TMEM44: variants seen among roughly 807,000 people sequenced by gnomAD.
TMEM44 encodes the protein transmembrane protein 44.
A neutral mutation model predicts 47.8 loss-of-function variants in TMEM44; 43 were observed. The observed-to-expected ratio is 0.90, with a 90% CI of 0.70 to 1.16. The LOEUF (loss-of-function observed/expected upper bound fraction) is 1.16. Among genes scored for constraint, TMEM44 ranks in the 50% most tolerant of loss-of-function variants. TMEM44 has a pLI of 0.00. For synonymous variants in TMEM44, 277 were observed against 238.8 expected (o/e 1.16, Z -1.48); for missense variants, 568 against 555.2 (o/e 1.02, Z -0.23).
At position 194,617,115 on chromosome 3, in the gene TMEM44, G is replaced by C. The variant is rs368081316; in HGVS notation, c.767C>G (p.Ala256Gly). The part of the protein sequence containing the change: ...TPWFLTSLGR[A>G]ALDLAIIFLS... Reference sequence around the variant, plus strand: ...GGTGGATACAGCGAGGTCCAGTGCCGCACGGCCGAGGGAGGTCAGGAACCA... The same window carrying C: ...GGTGGATACAGCGAGGTCCAGTGCCCCACGGCCGAGGGAGGTCAGGAACCA... Residue 256 changes from alanine to glycine, a missense_variant, in exon 6 of 10, where the codon GCG becomes GGG. Ala to Gly is a moderately conservative substitution (Grantham distance 60). Transcript: ENST00000347147. 1.3e-6 allele frequency: 2 copies of C among 1,547,952 alleles called. No individual in the cohort carries two copies. Among genetic ancestry groups the C allele is most frequent in the South Asian group, 2.4e-5 (2 of 82,712 alleles).
At chr3:194,623,022 G>T (rs1205695723) in intron 5 of TMEM44, 13 of 484,360 alleles carry the variant, frequency 2.7e-5, no homozygotes, top group Non-Finnish European at 4.7e-5. Flanking sequence ...GCCGTCCTCA[G>T]GACGCCCTGG....
chr3:194,617,649 A>G lies in TMEM44; in HGVS notation c.613-380T>C, dbSNP rs1228777130. On this transcript the variant is annotated intron_variant, in intron 5 of 9. Coordinates refer to ENST00000347147, the MANE Select transcript of TMEM44 (RefSeq NM_001011655.3). ...AGGGGTCCTCACCATCTCAGTGCCC[A>G]GCACCTGACGCTGGGCAGCGGCTCG... 1.3e-5 allele frequency: 9 copies of G among 703,816 alleles called. No individual in the cohort carries two copies. In the Admixed American group the frequency reaches 1.8e-4, roughly 14 times the overall value. 43.6% of individuals were successfully genotyped at this position (703,816 alleles called of 1,614,324 possible). A position where few individuals can be genotyped will look rare whatever the true frequency, so the allele number is the denominator to read the frequency against.
At chr3:194,593,191 G>T (rs1352063103) in intron 9 of TMEM44, 2 of 1,027,384 alleles carry the variant, frequency 1.9e-6, no homozygotes, top group Non-Finnish European at 1.5e-6. Flanking sequence ...CAGGCCCTTA[G>T]ATGGTTGGGG....
At chr3:194,613,882 G>A (rs1482588606) in intron 7 of TMEM44, among the ~76,000 whole-genome samples, 1 of 151,792 alleles carries the variant, frequency 6.6e-6, no homozygotes, top group Non-Finnish European at 1.5e-5. Context: ...CAGCACTTTG[G>A]GAAGCCGAGG....
intron 1 of TMEM44, among the ~76,000 whole-genome samples, chr3:194,631,239 T>C (rs1577237934): frequency 6.6e-6 from 1 of 152,208 alleles, no homozygotes; most frequent in Middle Eastern, 3.4e-3. Context: ...GGGCTGGCTG[T>C]TTCTATCGGC....
intron 7 of TMEM44, among the ~76,000 whole-genome samples, chr3:194,615,217 G>C (rs1379170452): frequency 6.6e-6 from 1 of 152,032 alleles, no homozygotes; most frequent in African/African-American, 2.4e-5. Flanking sequence ...ACTCCAGCCT[G>C]GGCAACAGAG....
intron 8 of TMEM44, among the ~76,000 whole-genome samples, chr3:194,605,916 A>G (rs533372185): frequency 1.8e-4 from 24 of 136,846 alleles, no homozygotes; most frequent in Non-Finnish European, 3.4e-4. Context: ...TTAGGTGCAC[A>G]AGCTCCTGTC....
In TMEM44 at chr3:194,623,714, T is replaced by A; in HGVS notation, c.359-19A>T. 6.2e-7 allele frequency: 1 copy of A among 1,613,788 alleles called. No homozygotes were observed. Among genetic ancestry groups the A allele is most frequent in the South Asian group, 1.1e-5 (1 of 91,022 alleles). ...TCCCGATCTGCAACAGACACCAAAA[T>A]CCCACATGGCTCCTGGAAGCCAGAC... is the stretch of plus-strand genomic sequence containing the variant. On this transcript the variant is annotated intron_variant, in intron 3 of 9. Transcript: ENST00000347147.
At chr3:194,621,136 A>G (rs1450511524) in intron 5 of TMEM44, among the ~76,000 whole-genome samples, 1 of 152,034 alleles carries the variant, frequency 6.6e-6, no homozygotes, top group Non-Finnish European at 1.5e-5. Flanking sequence ...GGTCATTAGG[A>G]TGAGTCCCAT....
At chr3:194,619,256 G>C (rs1192529373) in intron 5 of TMEM44, among the ~76,000 whole-genome samples, 1 of 152,144 alleles carries the variant, frequency 6.6e-6, no homozygotes, top group African/African-American at 2.4e-5. Context: ...TCCTGGGGCC[G>C]ACCCTGAAAA....
chr3:194,627,047 G>A lies in TMEM44; in HGVS notation c.265-1057C>T, dbSNP rs570353027. ...AGTGATTCTCCTGCCTCAGCCCGCT[G>A]AGTAGCTGGGACTACAGGCACGCGC... On this transcript the variant is annotated intron_variant, in intron 2 of 9. Coordinates refer to ENST00000347147, the MANE Select transcript of TMEM44 (RefSeq NM_001011655.3). 2.8e-4 allele frequency among the ~76,000 whole-genome samples: 43 copies of A among 151,976 alleles called. No individual in the cohort carries two copies. In the East Asian group the frequency reaches 7.9e-3, roughly 28 times the overall value.
At chr3:194,591,877 G>C (rs1178020756) in intron 9 of TMEM44, among the ~76,000 whole-genome samples, 1 of 151,842 alleles carries the variant, frequency 6.6e-6, no homozygotes, top group Non-Finnish European at 1.5e-5. Flanking sequence ...AAAGTGTTGG[G>C]ATTACAGGTG....
chr3:194,588,504 G>A lies in TMEM44; in HGVS notation c.*25C>T. The A allele has an allele frequency of 6.2e-7, 1 of 1,604,602 alleles. No individual in the cohort carries two copies. The highest frequency in any genetic ancestry group is 2.2e-5 in the East Asian group (1 of 44,834). ...ACGAACTCCTGACCCTGGGCTCTGA[G>A]CTGATGAGCTGGCTCCAGAAGGTGT... is the stretch of plus-strand genomic sequence containing the variant. On this transcript the variant is annotated 3_prime_UTR_variant, in exon 10 of 10. Transcript: ENST00000347147.
intron 9 of TMEM44, among the ~76,000 whole-genome samples, chr3:194,594,167 A>ATCTGTCTGTCTGTCTGTCTGTCTGTCTG (rs1713126830): frequency 2.1e-5 from 1 of 46,958 alleles, no homozygotes; most frequent in Non-Finnish European, 6.9e-5. Flanking sequence ...ATCTATCTAT[A>ATCTGTCTGTCTGTCTGTCTGTCTGTCTG]TCTATCTATC....
rs561315274 is a variant in TMEM44 at position 194,623,554 on chromosome 3, C to T, written c.500G>A (p.Arg167Gln). The part of the protein sequence containing the change: ...KASATIRGPQ[R>Q]RLLASLLQEN... Reference sequence around the variant, plus strand: ...CTGCAGCAGGCTCGCTAGCAGCCTCCGCTGTGGCCCCCGGATGGTGGCTGA... The same window carrying T: ...CTGCAGCAGGCTCGCTAGCAGCCTCTGCTGTGGCCCCCGGATGGTGGCTGA... The change falls in exon 4 of 10, where the codon CGG (arginine) becomes CAG (glutamine). Residue 167 changes from arginine (R) to glutamine (Q), a missense_variant. Arg to Gln is a conservative substitution (Grantham distance 43, BLOSUM62 1). Transcript: ENST00000347147. 1.7e-5 allele frequency: 28 copies of T among 1,604,710 alleles called. No homozygotes were observed. Among genetic ancestry groups the T allele is most frequent in the African/African-American group, 5.3e-5 (4 of 74,890 alleles).
intron 8 of TMEM44, among the ~76,000 whole-genome samples, chr3:194,607,807 G>C (rs1242631350): frequency 6.6e-6 from 1 of 152,190 alleles, no homozygotes; most frequent in East Asian, 1.9e-4. Context: ...GATGGGAGGG[G>C]TGCCCCTAGT....
chr3:194,614,120 C>A (rs1310668952), intron 7 of TMEM44, among the ~76,000 whole-genome samples: 1 of 152,046 alleles, frequency 6.6e-6, no homozygotes, highest in East Asian at 2.0e-4. Flanking sequence ...AAAACTCCGT[C>A]TCCAAAAAAC....
At chr3:194,608,669 C>T (rs1047599676) in intron 8 of TMEM44, among the ~76,000 whole-genome samples, 10 of 152,134 alleles carry the variant, frequency 6.6e-5, no homozygotes, top group Non-Finnish European at 1.2e-4. Context: ...GGAGAGCATT[C>T]TGGGCAGAGG....
chr3:194,599,928 T>C (rs922243094), intron 9 of TMEM44, among the ~76,000 whole-genome samples: 5 of 151,818 alleles, frequency 3.3e-5, no homozygotes, highest in African/African-American at 4.8e-5. Flanking sequence ...CCCGGCTAAT[T>C]TTTGTATTTT....
Sources: allele counts gnomAD v4.1 joint callset (sites outside exome capture counted in the v4.1 genomes callset), GRCh38; gene constraint gnomAD v4.1.1; transcripts MANE v1.5; gene names NCBI Gene and HGNC (gene_info 2026-07-23, HGNC 2026-07-21).